Variants in PTBP3 observed in about 807,000 individuals in gnomAD.
PTBP3 encodes polypyrimidine tract binding protein 3, also known as polypyrimidine tract-binding protein 3.
In PTBP3, 20 loss-of-function variants were observed where a neutral mutation model predicts 58.7. That is an observed-to-expected ratio of 0.34 (90% CI 0.24 to 0.50). The LOEUF (loss-of-function observed/expected upper bound fraction) is 0.50. Among genes scored for constraint, PTBP3 ranks in the 20% least tolerant of loss-of-function variants. PTBP3 has a pLI of 0.98. For synonymous variants in PTBP3, 185 were observed against 219.8 expected (o/e 0.84, Z 1.40); for missense variants, 509 against 637.2 (o/e 0.80, Z 2.17).
chr9:112,370,001 T>A, the PTBP3 span, among the ~76,000 whole-genome samples: 1 of 152,180 alleles, frequency 6.6e-6, no homozygotes, highest in Non-Finnish European at 1.5e-5. Flanking sequence ...ATGTAAGACA[T>A]GCTTTTGCTC....
chr9:112,360,614 G>T, the PTBP3 span, among the ~76,000 whole-genome samples: 1 of 152,140 alleles, frequency 6.6e-6, no homozygotes, highest in African/African-American at 2.4e-5. Flanking sequence ...ACATTATATT[G>T]TTGTTGGCCT....
chr9:112,358,134 CCT>C, the PTBP3 span, among the ~76,000 whole-genome samples: 1 of 151,970 alleles, frequency 6.6e-6, no homozygotes, highest in Non-Finnish European at 1.5e-5. Flanking sequence ...GTGATGATAC[CCT>C]GTCTCTACTA....
the PTBP3 span, among the ~76,000 whole-genome samples, chr9:112,363,720 T>C: frequency 9.2e-5 from 14 of 152,228 alleles, no homozygotes; most frequent in African/African-American, 3.1e-4. Context: ...CTTGATTTTT[T>C]AGAAGAGTGC....
chr9:112,366,412 T>C, the PTBP3 span, among the ~76,000 whole-genome samples: 1 of 152,248 alleles, frequency 6.6e-6, no homozygotes, highest in Non-Finnish European at 1.5e-5. Context: ...AATGGTTTCA[T>C]GAACTGGGTC....
chr9:112,257,728 T>G (rs1836429214), intron 5 of PTBP3, among the ~76,000 whole-genome samples: 1 of 152,080 alleles, frequency 6.6e-6, no homozygotes, highest in African/African-American at 2.4e-5. Context: ...TCACCTGAGG[T>G]CAGGAGTTCG....
chr9:112,257,164 T>C (rs747993256), intron 5 of PTBP3, among the ~76,000 whole-genome samples: 4 of 152,192 alleles, frequency 2.6e-5, no homozygotes, highest in East Asian at 1.9e-4. Flanking sequence ...GCTAAGAGAA[T>C]AGAACTTGCC....
At chr9:112,301,456 G>A (rs565711757) in intron 1 of PTBP3, among the ~76,000 whole-genome samples, 78 of 148,096 alleles carry the variant, frequency 5.3e-4, no homozygotes, top group Non-Finnish European at 6.9e-4. Flanking sequence ...CTGAAAAAAA[G>A]AAAAAAAAAA....
In PTBP3 at chr9:112,222,300, A is replaced by AT; in HGVS notation, c.*1550dup. 6.2e-6 allele frequency: 6 copies of AT among 975,208 alleles called. No homozygotes were observed. The highest frequency in any genetic ancestry group is 7.3e-6 in the Non-Finnish European group (6 of 820,228). The allele number at this position is 975,208 out of a possible 1,614,324, so 60.4% of individuals were successfully genotyped here. A position where few individuals can be genotyped will look rare whatever the true frequency, so the allele number is the denominator to read the frequency against. ...ATACAATCACTGAAGCAACATTAAAATGTACTCTTACATTCAATGAAAAAG... is the reference window on the plus strand; with the variant it reads ...ATACAATCACTGAAGCAACATTAAAATTGTACTCTTACATTCAATGAAAAAG... On this transcript the variant is annotated 3_prime_UTR_variant, in exon 14 of 14. Coordinates refer to ENST00000374257, the MANE Select transcript of PTBP3 (RefSeq NM_001163788.4).
the PTBP3 span, among the ~76,000 whole-genome samples, chr9:112,344,483 A>G: frequency 6.6e-6 from 1 of 152,158 alleles, no homozygotes; most frequent in African/African-American, 2.4e-5. Flanking sequence ...CTGCCATGCT[A>G]TAAAGGAGCA....
At chr9:112,367,215 A>G in the PTBP3 span, among the ~76,000 whole-genome samples, 2 of 152,228 alleles carry the variant, frequency 1.3e-5, no homozygotes, top group African/African-American at 2.4e-5. Context: ...TAATACATAA[A>G]AAAACTTTAG....
intron 1 of PTBP3, among the ~76,000 whole-genome samples, chr9:112,313,575 A>C (rs1365698213): frequency 6.6e-6 from 1 of 152,200 alleles, no homozygotes; most frequent in East Asian, 1.9e-4. Flanking sequence ...GACCGGAATC[A>C]TCTCAAGGCT....
intron 2 of PTBP3, among the ~76,000 whole-genome samples, chr9:112,286,177 TG>T (rs1229245594): frequency 6.6e-6 from 1 of 152,220 alleles, no homozygotes; most frequent in Non-Finnish European, 1.5e-5. Flanking sequence ...TCCCAACCTT[TG>T]GCTTTTTACC....
the PTBP3 span, among the ~76,000 whole-genome samples, chr9:112,354,870 A>T: frequency 3.9e-5 from 6 of 152,220 alleles, no homozygotes; most frequent in Non-Finnish European, 7.3e-5. Context: ...TGCTATCTTG[A>T]TAGTGAGCAG....
intron 2 of PTBP3, among the ~76,000 whole-genome samples, chr9:112,287,582 C>A (rs1207899129): frequency 6.6e-6 from 1 of 151,740 alleles, no homozygotes; most frequent in Non-Finnish European, 1.5e-5. Context: ...CTCAGGTGAT[C>A]CACCCGCCTC....
intron 1 of PTBP3, among the ~76,000 whole-genome samples, chr9:112,319,922 G>A (rs117900685): frequency 2.6e-5 from 4 of 152,238 alleles, no homozygotes; most frequent in Non-Finnish European, 4.4e-5. Context: ...TAAGCCAGGC[G>A]CAGAAAGTCA....
the PTBP3 span, among the ~76,000 whole-genome samples, chr9:112,352,243 T>C: frequency 6.6e-6 from 1 of 152,198 alleles, no homozygotes; most frequent in Non-Finnish European, 1.5e-5. Flanking sequence ...TAAAGTACAG[T>C]ATTTGAAAGT....
At chr9:112,337,049 A>G (rs186664936), upstream of PTBP3, among the ~76,000 whole-genome samples, 18 of 152,294 alleles carry the variant, frequency 1.2e-4, no homozygotes, top group East Asian at 3.5e-3. Context: ...GTTTGTTTGG[A>G]ATCAGAGGCT....
At chr9:112,245,648 G>A (rs1835846726) in intron 7 of PTBP3, among the ~76,000 whole-genome samples, 1 of 152,118 alleles carries the variant, frequency 6.6e-6, no homozygotes, top group South Asian at 2.1e-4. Context: ...TCCCCTAAAA[G>A]AAACCAGGGC....
chr9:112,265,472 G>A (rs1380175981), intron 4 of PTBP3, among the ~76,000 whole-genome samples: 1 of 151,792 alleles, frequency 6.6e-6, no homozygotes, highest in Non-Finnish European at 1.5e-5. Context: ...GCAGTGAGCC[G>A]AGATAGTGCC....
Sources: gnomAD v4.1 joint callset for allele counts (sites outside exome capture counted in the v4.1 genomes callset) on GRCh38, gnomAD v4.1.1 for gene constraint, MANE v1.5 for transcripts, NCBI Gene and HGNC (gene_info 2026-07-23, HGNC 2026-07-21) for gene names.